The following BLTP3B variants were observed in gnomAD, a reference collection of about 807,000 sequenced individuals.
BLTP3B encodes the protein bridge-like lipid transfer protein family member 3B.
At chr12:100,043,969 G>T in the BLTP3B span, among the ~76,000 whole-genome samples, 1 of 152,108 alleles carries the variant, frequency 6.6e-6, no homozygotes, top group African/African-American at 2.4e-5. Context: ...AGGGAAGAAG[G>T]TATGATTTAT....
the BLTP3B span, among the ~76,000 whole-genome samples, chr12:100,139,154 G>A: frequency 6.6e-5 from 10 of 152,132 alleles, no homozygotes; most frequent in African/African-American, 2.4e-4. Flanking sequence ...TCTTCAAGTA[G>A]ATAAACTTTT....
the BLTP3B span, among the ~76,000 whole-genome samples, chr12:100,107,582 C>T: frequency 6.6e-6 from 1 of 151,856 alleles, no homozygotes; most frequent in Admixed American, 6.6e-5. Flanking sequence ...TTGCAGTGAG[C>T]TGAGATTGCA....
the BLTP3B span, among the ~76,000 whole-genome samples, chr12:100,103,577 T>A: frequency 6.6e-6 from 1 of 152,180 alleles, no homozygotes; most frequent in Non-Finnish European, 1.5e-5. Context: ...CATAATTTAC[T>A]AGATCACTAA....
chr12:100,046,174 C>T, the BLTP3B span, among the ~76,000 whole-genome samples: 2 of 152,150 alleles, frequency 1.3e-5, no homozygotes, highest in Non-Finnish European at 2.9e-5. Flanking sequence ...GTGGCGATTC[C>T]TCAAGGATCT....
the BLTP3B span, chr12:100,072,851 T>A: frequency 1.3e-6 from 2 of 1,552,872 alleles, no homozygotes; most frequent in South Asian, 2.5e-5. Flanking sequence ...TCACACTGAA[T>A]AAAAACCTTT....
the BLTP3B span, chr12:100,070,292 T>TAA: frequency 9.0e-7 from 1 of 1,111,954 alleles, no homozygotes; most frequent in Non-Finnish European, 1.2e-6. Flanking sequence ...ATTAATTAAT[T>TAA]TTTTTTTTTT....
the BLTP3B span, chr12:100,098,417 C>T: frequency 2.5e-6 from 4 of 1,613,860 alleles, no homozygotes; most frequent in Non-Finnish European, 3.4e-6. Flanking sequence ...TGTGCATTTA[C>T]ACTATAGATC....
the BLTP3B span, chr12:100,058,098 G>T: frequency 7.5e-6 from 12 of 1,609,806 alleles, no homozygotes; most frequent in African/African-American, 1.3e-5. Flanking sequence ...CAGGTTTTCA[G>T]AGAGTGAAGC....
At chr12:100,101,810 C>T in the BLTP3B span, among the ~76,000 whole-genome samples, 1 of 152,072 alleles carries the variant, frequency 6.6e-6, no homozygotes, top group South Asian at 2.1e-4. Context: ...ATCAACTTAA[C>T]TCTTTGTTTT....
chr12:100,126,863 A>T, the BLTP3B span, among the ~76,000 whole-genome samples: 1 of 152,198 alleles, frequency 6.6e-6, no homozygotes, highest in African/African-American at 2.4e-5. Flanking sequence ...GCAGCCTGCT[A>T]TGTCCTAGGT....
chr12:100,089,298 C>T, the BLTP3B span, among the ~76,000 whole-genome samples: 2 of 152,254 alleles, frequency 1.3e-5, no homozygotes, highest in South Asian at 2.1e-4. Context: ...TAGGCTCATG[C>T]CTGTAATCAC....
At chr12:100,047,958 C>T in the BLTP3B span, 32 of 1,491,072 alleles carry the variant, frequency 2.1e-5, no homozygotes, top group East Asian at 9.8e-5. Flanking sequence ...AATTTATTTT[C>T]GTGTTAGAAA....
chr12:100,083,226 G>A, the BLTP3B span: 3 of 802,148 alleles, frequency 3.7e-6, no homozygotes, highest in Non-Finnish European at 6.3e-6. Context: ...AAATATATGT[G>A]AATACTAACT....
the BLTP3B span, among the ~76,000 whole-genome samples, chr12:100,079,067 C>T: frequency 2.6e-5 from 4 of 152,246 alleles, no homozygotes; most frequent in East Asian, 5.8e-4. Context: ...TGGAACTGTA[C>T]GTCTATTAAA....
the BLTP3B span, among the ~76,000 whole-genome samples, chr12:100,057,126 T>C: frequency 6.6e-6 from 1 of 152,190 alleles, no homozygotes; most frequent in East Asian, 1.9e-4. Flanking sequence ...CCATGCAAAT[T>C]AAGCCCACCT....
At chr12:100,076,788 T>C in the BLTP3B span, among the ~76,000 whole-genome samples, 5 of 152,238 alleles carry the variant, frequency 3.3e-5, no homozygotes, top group Non-Finnish European at 7.3e-5. Flanking sequence ...TCTGCATATA[T>C]GGAAACAAAT....
At chr12:100,051,723 G>A in the BLTP3B span, 4 of 152,280 alleles carry the variant, frequency 2.6e-5, no homozygotes, top group African/African-American at 9.7e-5. Context: ...AACATCATCA[G>A]GGGTTAAGAA....
chr12:100,130,961 TAGAGAGAGAGAGAGAGGGAGGGAGAG>T, the BLTP3B span, among the ~76,000 whole-genome samples: 1 of 93,586 alleles, frequency 1.1e-5, no homozygotes, highest in East Asian at 2.3e-4. Context: ...TATATATATA[TAGAGAGAGAGAGAGAGGGAGGGAGAG>T]AGAGAGAGAG....
chr12:100,089,965 T>G, the BLTP3B span, among the ~76,000 whole-genome samples: 1 of 152,154 alleles, frequency 6.6e-6, no homozygotes, highest in Non-Finnish European at 1.5e-5. Flanking sequence ...GGTTTCTGCT[T>G]TTGCAGCTTC....
Sources: gnomAD v4.1 joint callset for allele counts (sites outside exome capture counted in the v4.1 genomes callset) on GRCh38, gnomAD v4.1.1 for gene constraint, MANE v1.5 for transcripts, NCBI Gene and HGNC (gene_info 2026-07-23, HGNC 2026-07-21) for gene names.